ENOX1: variants seen among roughly 807,000 people sequenced by gnomAD.
ENOX1 encodes the protein candidate growth-related and time keeping constitutive hydroquinone (NADH) oxidase.
Under a neutral mutation model 82.5 loss-of-function variants are expected in ENOX1, and 42 were observed. The observed-to-expected ratio is 0.51, with a 90% CI of 0.40 to 0.66. ENOX1 has a LOEUF of 0.66. Among genes scored for constraint, ENOX1 ranks in the 30% least tolerant of loss-of-function variants. The pLI, the probability that ENOX1 is intolerant of heterozygous loss-of-function variation, is 0.00. For synonymous variants in ENOX1, 271 were observed against 282.2 expected (o/e 0.96, Z 0.40); for missense variants, 608 against 811.6 (o/e 0.75, Z 3.05).
intron 11 of ENOX1, among the ~76,000 whole-genome samples, chr13:43,303,803 C>T (rs1057006827): frequency 4.6e-5 from 7 of 152,130 alleles, no homozygotes; most frequent in Admixed American, 3.3e-4. Context: ...TGGGCCCTAC[C>T]CTCAGTTTCC....
At chr13:43,354,938 C>T (rs1312472510) in intron 8 of ENOX1, among the ~76,000 whole-genome samples, 1 of 152,198 alleles carries the variant, frequency 6.6e-6, no homozygotes, top group Non-Finnish European at 1.5e-5. Flanking sequence ...CTTTCATCAA[C>T]ATTATTTGCA....
rs555401922 is a variant in ENOX1, at chr13:43,327,593, T to C, written c.1037-1068A>G. On this transcript the variant is annotated intron_variant, in intron 9 of 16. Transcript: ENST00000690772. The stretch of plus-strand genomic sequence containing the variant: ...CTTCTAAATTTTTAGTTAAGAAGGC[T>C]CAGTTAAAATTAGCTTCTCAAGGAT... Among the ~76,000 whole-genome samples the C allele has an allele frequency of 1.6e-4, 24 of 152,318 alleles. No individual in the cohort carries two copies. The Middle Eastern group carries it at 0.01, about 65-fold the overall frequency.
intron 11 of ENOX1, among the ~76,000 whole-genome samples, chr13:43,305,002 C>A (rs1023993959): frequency 1.3e-5 from 2 of 152,164 alleles, no homozygotes; most frequent in Non-Finnish European, 2.9e-5. Flanking sequence ...AACTCTGTCC[C>A]CTGAGTCTAC....
chr13:43,668,738 G>A (rs536416590), intron 1 of ENOX1, among the ~76,000 whole-genome samples: 2 of 152,258 alleles, frequency 1.3e-5, no homozygotes, highest in African/African-American at 4.8e-5. Context: ...GGCAGGGGAA[G>A]GTACTGGTAC....
At chr13:43,607,930 CTT>C (rs1198372428) in intron 2 of ENOX1, among the ~76,000 whole-genome samples, 1 of 152,190 alleles carries the variant, frequency 6.6e-6, no homozygotes, top group Non-Finnish European at 1.5e-5. Flanking sequence ...CTAATCCTCT[CTT>C]GAGCTCAGGG....
At position 43,298,407 on chromosome 13, in the gene ENOX1, T is replaced by TAAAA; in HGVS notation, c.1384_1385insTTTT (p.Glu462ValfsTer74). On this transcript the variant is annotated frameshift_variant, in exon 12 of 17. Transcript: ENST00000690772. LOFTEE classifies it high-confidence loss of function. ...CAGTTGCTGGTCCTTGGTGAGGTTT[T>TAAAA]CTTCTGTTCGGAAAAGCTGTTCTTT... The TAAAA allele has an allele frequency of 6.2e-7, 1 of 1,614,174 alleles. No individual in the cohort carries two copies. The highest frequency in any genetic ancestry group is 8.5e-7 in the Non-Finnish European group (1 of 1,180,030).
chr13:43,490,060 T>C (rs1334017620), intron 2 of ENOX1, among the ~76,000 whole-genome samples: 1 of 152,160 alleles, frequency 6.6e-6, no homozygotes, highest in East Asian at 1.9e-4. Context: ...TGCCTCATCC[T>C]CCTGAGTAGC....
At chr13:43,214,221 T>G in intron 16 of ENOX1, 100 bp from the exon 17 acceptor site, 1 of 1,267,784 alleles carries the variant, frequency 7.9e-7, no homozygotes, top group Non-Finnish European at 1.1e-6. Context: ...TGAACAGCAT[T>G]TAGTTTTCTA....
chr13:43,770,825 G>A (rs1951551892), intron 1 of ENOX1, among the ~76,000 whole-genome samples: 1 of 149,962 alleles, frequency 6.7e-6, no homozygotes, highest in Non-Finnish European at 1.5e-5. Context: ...GTTTACCCGG[G>A]TGCAACAACA....
chr13:43,413,422 T>A (rs1299157085), intron 3 of ENOX1, among the ~76,000 whole-genome samples: 2 of 151,938 alleles, frequency 1.3e-5, no homozygotes, highest in African/African-American at 4.8e-5. Context: ...TGGTCGTCTG[T>A]GGAATGTATT....
rs1049617815 is a variant in ENOX1, at chr13:43,291,927, T to C, written c.1446+6419A>G. On this transcript the variant is annotated intron_variant, in intron 12 of 16. Transcript: ENST00000690772. ...AAATGAAGCCTGCCTGTCAAAGAGC[T>C]CTTGGCTGGCCACTGCCCAGGAGAA... is the stretch of plus-strand genomic sequence containing the variant. 3.9e-5 allele frequency among the ~76,000 whole-genome samples: 6 copies of C among 152,230 alleles called. No individual in the cohort carries two copies. In the East Asian group the frequency reaches 1.2e-3, roughly 29 times the overall value.
At chr13:43,768,849 T>C (rs748874387) in intron 1 of ENOX1, among the ~76,000 whole-genome samples, 3 of 152,242 alleles carry the variant, frequency 2.0e-5, no homozygotes, top group Non-Finnish European at 4.4e-5. Context: ...GTTGTCTGCC[T>C]AGGTCACAAA....
chr13:43,337,750 C>CAG (rs1374412576), intron 9 of ENOX1, among the ~76,000 whole-genome samples: 2 of 151,916 alleles, frequency 1.3e-5, no homozygotes, highest in Admixed American at 1.3e-4. Flanking sequence ...CACACACACA[C>CAG]ATACACACAC....
intron 3 of ENOX1, among the ~76,000 whole-genome samples, chr13:43,445,733 C>T (rs1430387010): frequency 5.3e-5 from 8 of 152,178 alleles, no homozygotes; most frequent in Non-Finnish European, 1.2e-4. Flanking sequence ...ATGGAACAAT[C>T]TTTCCTATTA....
At chr13:43,413,828 C>T (rs1348986112) in intron 3 of ENOX1, among the ~76,000 whole-genome samples, 1 of 150,994 alleles carries the variant, frequency 6.6e-6, no homozygotes, top group Non-Finnish European at 1.5e-5. Flanking sequence ...TTATAAAATG[C>T]TATGCCTTCT....
At chr13:43,739,560 A>T (rs903654444) in intron 1 of ENOX1, among the ~76,000 whole-genome samples, 36 of 150,344 alleles carry the variant, frequency 2.4e-4, no homozygotes, top group African/African-American at 6.1e-4. Context: ...AAATAATAAT[A>T]ATTATTATTA....
chr13:43,648,759 C>T (rs1365491502), intron 2 of ENOX1, among the ~76,000 whole-genome samples: 1 of 152,114 alleles, frequency 6.6e-6, no homozygotes, highest in East Asian at 1.9e-4. Flanking sequence ...TTATTTTTAC[C>T]ATATTTTATG....
At chr13:43,636,287 A>G (rs2083410988) in intron 2 of ENOX1, among the ~76,000 whole-genome samples, 1 of 152,176 alleles carries the variant, frequency 6.6e-6, no homozygotes, top group South Asian at 2.1e-4. Flanking sequence ...ATCCAATTTC[A>G]AACGATAACA....
chr13:43,400,250 C>A (rs1246671357), intron 5 of ENOX1, among the ~76,000 whole-genome samples: 1 of 152,128 alleles, frequency 6.6e-6, no homozygotes, highest in Non-Finnish European at 1.5e-5. Context: ...CAAGGGTTCT[C>A]CCTTCTCTTC....
Sources: allele counts gnomAD v4.1 joint callset (sites outside exome capture counted in the v4.1 genomes callset), GRCh38; gene constraint gnomAD v4.1.1; transcripts MANE v1.5; gene names NCBI Gene and HGNC (gene_info 2026-07-23, HGNC 2026-07-21).